SUGT1: variants seen among roughly 807,000 people sequenced by gnomAD.
The protein encoded by SUGT1 is protein SGT1 homolog.
Under a neutral mutation model 56.1 loss-of-function variants are expected in SUGT1, and 15 were observed. That is an observed-to-expected ratio of 0.27 (90% confidence interval 0.18 to 0.41). SUGT1 has a LOEUF of 0.41. Ranked by LOEUF, SUGT1 falls within the 10% of genes least tolerant of loss-of-function variation. SUGT1 has a pLI of 1.00. For missense variants in SUGT1, 347 were observed against 382.2 expected (o/e 0.91, Z 0.77); for synonymous variants, 123 against 128.6 (o/e 0.96, Z 0.30).
chr13:52,685,101 C>G (rs1963526186), intron 12 of SUGT1, among the ~76,000 whole-genome samples: 1 of 147,406 alleles, frequency 6.8e-6, no homozygotes, highest in African/African-American at 2.5e-5. Context: ...GGGTCTTGCT[C>G]TATTGTTCCA....
At chr13:52,664,331 C>T (rs1448830058) in intron 8 of SUGT1, among the ~76,000 whole-genome samples, 1 of 152,114 alleles carries the variant, frequency 6.6e-6, no homozygotes, top group Non-Finnish European at 1.5e-5. Flanking sequence ...AGAGTCTCTT[C>T]CAGTTAAGTT....
intron 12 of SUGT1, among the ~76,000 whole-genome samples, chr13:52,681,241 C>A (rs1420216520): frequency 2.0e-5 from 3 of 149,804 alleles, no homozygotes; most frequent in African/African-American, 7.4e-5. Flanking sequence ...CATAGAGAGA[C>A]CCTATCTCTA....
chr13:52,684,720 G>A (rs1282534300), intron 12 of SUGT1, among the ~76,000 whole-genome samples: 1 of 151,626 alleles, frequency 6.6e-6, no homozygotes, highest in Non-Finnish European at 1.5e-5. Flanking sequence ...TAGAGACGAG[G>A]CCTCCCCATA....
At chr13:52,658,584 AT>A (rs1962275722) in intron 4 of SUGT1, 116 bp downstream of exon 4, 1 of 873,720 alleles carries the variant, frequency 1.1e-6, no homozygotes, top group Non-Finnish European at 1.7e-6. Flanking sequence ...TATACATTAT[AT>A]AGCAGAGATA....
chr13:52,658,290 G>A (rs924388749), intron 3 of SUGT1, 109 bp from the exon 4 acceptor site: 26 of 1,553,320 alleles, frequency 1.7e-5, no homozygotes, highest in African/African-American at 2.8e-5. Context: ...AAAACCATTT[G>A]GCATTTCTAC....
intron 11 of SUGT1, among the ~76,000 whole-genome samples, chr13:52,678,442 G>A (rs1963235268): frequency 6.6e-6 from 1 of 152,070 alleles, no homozygotes; most frequent in Non-Finnish European, 1.5e-5. Context: ...AGTATTGGGA[G>A]GAACATTTAG....
chr13:52,678,388 G>C (rs571523517), intron 11 of SUGT1, among the ~76,000 whole-genome samples: 2 of 152,274 alleles, frequency 1.3e-5, no homozygotes, highest in East Asian at 3.9e-4. Context: ...AAAAACAGTG[G>C]ATGTTAGTTT....
rs548996330 is a variant in SUGT1 at position 52,692,160 on chromosome 13, C to T, written c.*4325C>T. 2.3e-4 allele frequency: 35 copies of T among 152,246 alleles called. No individual in the cohort carries two copies. Among genetic ancestry groups the T allele is most frequent in the African/African-American group, 8.4e-4 (35 of 41,530 alleles). 9.4% of individuals were successfully genotyped at this position (152,246 alleles called of 1,614,324 possible). A position where few individuals can be genotyped will look rare whatever the true frequency, so the allele number is the denominator to read the frequency against. Reference sequence around the variant, plus strand: ...CATTATCTCATTTTTAATCGCCCTTCAATAGCATCCCATTATTGCAAATCA... The same window carrying T: ...CATTATCTCATTTTTAATCGCCCTTTAATAGCATCCCATTATTGCAAATCA... On this transcript the variant is annotated 3_prime_UTR_variant, in exon 13 of 13. Coordinates refer to ENST00000310528, the MANE Select transcript of SUGT1 (RefSeq NM_006704.5).
chr13:52,680,951 C>G (rs959604532), intron 12 of SUGT1, among the ~76,000 whole-genome samples: 1 of 152,068 alleles, frequency 6.6e-6, no homozygotes, highest in Non-Finnish European at 1.5e-5. Context: ...AAGTGATTTT[C>G]CTACCTCAGC....
At chr13:52,665,873 G>T in intron 9 of SUGT1, 140 bp downstream of exon 9, 2 of 613,754 alleles carry the variant, frequency 3.3e-6, no homozygotes, top group South Asian at 2.8e-5. Context: ...AAAATCTGAA[G>T]CCATTGCTTT....
At chr13:52,653,315 C>T (rs1268005569) in intron 2 of SUGT1, among the ~76,000 whole-genome samples, 3 of 152,138 alleles carry the variant, frequency 2.0e-5, no homozygotes, top group Admixed American at 2.0e-4. Context: ...CTTTCCACTC[C>T]CTACAGCTCC....
At chr13:52,684,052 T>TTTTAA (rs1963476807) in intron 12 of SUGT1, among the ~76,000 whole-genome samples, 2 of 151,624 alleles carry the variant, frequency 1.3e-5, no homozygotes, top group South Asian at 2.1e-4. Flanking sequence ...AACTAATTTA[T>TTTTAA]TTTAATTTAA....
At chr13:52,670,058 A>G (rs1334313870) in intron 10 of SUGT1, among the ~76,000 whole-genome samples, 3 of 152,186 alleles carry the variant, frequency 2.0e-5, no homozygotes. Context: ...GAGATTCTGT[A>G]AAATTTGCAG....
At chr13:52,671,357 G>A (rs1181386722) in intron 10 of SUGT1, among the ~76,000 whole-genome samples, 1 of 151,762 alleles carries the variant, frequency 6.6e-6, no homozygotes, top group East Asian at 1.9e-4. Context: ...GCTACATTTT[G>A]TTGATATTTT....
Position 52,680,050 on chromosome 13 carries a change from A to C in SUGT1, c.795A>C (p.Glu265Asp), listed in dbSNP as rs1273083626. The change falls in exon 12 of 13, where the codon GAA becomes GAC. Residue 265 changes from glutamate to aspartate, a missense_variant. Glu to Asp is a conservative substitution (Grantham distance 45). Transcript: ENST00000310528. Reference protein sequence around the residue: ...WDKLVGEIKEEEKNEKLEGDA... With the variant: ...WDKLVGEIKEDEKNEKLEGDA... ...AATTGGTTGGTGAGATCAAAGAAGAAGAAAAGAATGAAAAGTTGGAGGGAG... is the reference window on the plus strand; with the variant it reads ...AATTGGTTGGTGAGATCAAAGAAGACGAAAAGAATGAAAAGTTGGAGGGAG... 1.9e-6 allele frequency: 3 copies of C among 1,600,174 alleles called. No individual in the cohort carries two copies. The highest frequency in any genetic ancestry group is 2.3e-5 in the East Asian group (1 of 44,286).
intron 12 of SUGT1, among the ~76,000 whole-genome samples, chr13:52,681,367 G>GT (rs912867624): frequency 1.3e-5 from 2 of 148,270 alleles, no homozygotes; most frequent in African/African-American, 5.0e-5. Context: ...GCAGTGAGCT[G>GT]TTTTTTTGTG....
intron 10 of SUGT1, among the ~76,000 whole-genome samples, chr13:52,668,136 C>T (rs1387696169): frequency 6.6e-6 from 1 of 152,058 alleles, no homozygotes; most frequent in Admixed American, 6.6e-5. Flanking sequence ...TCATGTACTG[C>T]CACGCCCAGC....
At chr13:52,671,282 C>T (rs1310434440) in intron 10 of SUGT1, among the ~76,000 whole-genome samples, 1 of 149,702 alleles carries the variant, frequency 6.7e-6, no homozygotes, top group African/African-American at 2.5e-5. Context: ...GTATTCTTAT[C>T]TTTTCATATA....
At chr13:52,685,253 CTTCTTTTTT>C (rs899230735) in intron 12 of SUGT1, among the ~76,000 whole-genome samples, 18 of 86,500 alleles carry the variant, frequency 2.1e-4, no homozygotes, top group East Asian at 6.1e-4. Context: ...TCTTCTTCTT[CTTCTTTTTT>C]TTTTTTTTTT....
Sources: allele counts gnomAD v4.1 joint callset (sites outside exome capture counted in the v4.1 genomes callset), GRCh38; gene constraint gnomAD v4.1.1; transcripts MANE v1.5; gene names NCBI Gene and HGNC (gene_info 2026-07-23, HGNC 2026-07-21).